LMO7: variants seen among roughly 807,000 people sequenced by gnomAD.
The protein encoded by LMO7 is LIM domain 7.
Under a neutral mutation model 206.5 loss-of-function variants are expected in LMO7, and 120 were observed. That is an observed-to-expected ratio of 0.58 (90% CI 0.50 to 0.68). The LOEUF (loss-of-function observed/expected upper bound fraction) is 0.68, where lower values mean the gene tolerates loss of function less well. Among genes scored for constraint, LMO7 ranks in the 30% least tolerant of loss-of-function variants. LMO7 has a pLI of 0.00. For synonymous variants in LMO7, 706 were observed against 681.5 expected, an observed-to-expected ratio of 1.04 and a Z score of -0.56; for missense variants, 1,959 against 1,957.9, an observed-to-expected ratio of 1.00 and a Z score of -0.01.
At chr13:75,623,489 G>A (rs2033608571) in intron 2 of LMO7, among the ~76,000 whole-genome samples, 1 of 151,664 alleles carries the variant, frequency 6.6e-6, no homozygotes, top group African/African-American at 2.4e-5. Context: ...TCAGCCTCCC[G>A]AGTAGCTGGG....
At position 75,812,471 on chromosome 13, in the gene LMO7, C is replaced by T. The variant is rs148920152; in HGVS notation, c.1946+3288C>T. Reference sequence around the variant, plus strand: ...CTAGTATCATGGAATTTCTGTTTGCCGTATAAGGCTATCCATGATTTTATA... The same window carrying T: ...CTAGTATCATGGAATTTCTGTTTGCTGTATAAGGCTATCCATGATTTTATA... On this transcript the variant is annotated intron_variant, in intron 11 of 30. Transcript: ENST00000377534. Among the ~76,000 whole-genome samples the T allele has an allele frequency of 7.3e-5, 11 of 151,106 alleles. No individual in the cohort carries two copies. The East Asian group carries it at 1.2e-3, about 16-fold the overall frequency.
intron 15 of LMO7, among the ~76,000 whole-genome samples, chr13:75,831,445 C>T (rs1236232070): frequency 6.6e-6 from 1 of 152,116 alleles, no homozygotes; most frequent in African/African-American, 2.4e-5. Flanking sequence ...TAGTGCCTTC[C>T]TTCAAATTCT....
chr13:75,856,669 C>A, intron 30 of LMO7, 61 bp downstream of exon 30: 1 of 969,170 alleles, frequency 1.0e-6, no homozygotes, highest in Non-Finnish European at 1.7e-6. Flanking sequence ...GGTTCCCATG[C>A]ATTTCCCTGA....
At chr13:75,749,567 ACGCTCAGCCCTCCCTC>A (rs1211081594) in intron 3 of LMO7, among the ~76,000 whole-genome samples, 1 of 152,144 alleles carries the variant, frequency 6.6e-6, no homozygotes, top group Non-Finnish European at 1.5e-5. Context: ...CTTTACCAGA[ACGCTCAGCCCTCCCTC>A]CCTGACCTGC....
At chr13:75,787,620 A>T (rs919517292) in intron 4 of LMO7, among the ~76,000 whole-genome samples, 2 of 152,206 alleles carry the variant, frequency 1.3e-5, no homozygotes, top group Non-Finnish European at 2.9e-5. Flanking sequence ...CGTCAGGTTC[A>T]TATATTTGGG....
At chr13:75,812,415 A>G (rs2056502433) in intron 11 of LMO7, among the ~76,000 whole-genome samples, 1 of 152,212 alleles carries the variant, frequency 6.6e-6, no homozygotes, top group Non-Finnish European at 1.5e-5. Flanking sequence ...GTATGTTCCT[A>G]TCTCCCTCTG....
chr13:75,842,014 CT>C, intron 24 of LMO7, 31 bp downstream of exon 24: 1 of 1,531,702 alleles, frequency 6.5e-7, no homozygotes, highest in Non-Finnish European at 8.9e-7. Context: ...GGTACAAAGG[CT>C]TAGCTGTATC....
At chr13:75,687,117 A>G (rs1185666304) in intron 1 of LMO7, among the ~76,000 whole-genome samples, 1 of 152,114 alleles carries the variant, frequency 6.6e-6, no homozygotes, top group East Asian at 1.9e-4. Flanking sequence ...TACACTATGG[A>G]TTCTCCCTGC....
intron 1 of LMO7, among the ~76,000 whole-genome samples, chr13:75,695,817 C>T (rs1286888624): frequency 3.3e-5 from 5 of 152,184 alleles, no homozygotes. Context: ...TTTAATAAAG[C>T]TGACAGACTA....
chr13:75,849,868 T>C (rs1486228484), intron 27 of LMO7, among the ~76,000 whole-genome samples: 1 of 152,212 alleles, frequency 6.6e-6, no homozygotes, highest in Non-Finnish European at 1.5e-5. Flanking sequence ...TATTTTCTTA[T>C]CTGACAGACT....
intron 1 of LMO7, among the ~76,000 whole-genome samples, chr13:75,638,115 G>T (rs1416093599): frequency 2.6e-5 from 4 of 152,144 alleles, no homozygotes; most frequent in Non-Finnish European, 5.9e-5. Flanking sequence ...AAACAAACTT[G>T]CCATTTTGTG....
At chr13:75,675,047 G>A (rs920030582) in intron 1 of LMO7, among the ~76,000 whole-genome samples, 1 of 151,858 alleles carries the variant, frequency 6.6e-6, no homozygotes, top group Non-Finnish European at 1.5e-5. Context: ...TATAACAGAA[G>A]AATGTCACAA....
chr13:75,741,704 TA>T (rs1247391126), intron 3 of LMO7, among the ~76,000 whole-genome samples: 3 of 152,182 alleles, frequency 2.0e-5, no homozygotes, highest in Non-Finnish European at 4.4e-5. Context: ...AAACTCTCAA[TA>T]AACTAGGTAG....
At chr13:75,720,821 G>A (rs1277601035) in intron 2 of LMO7, among the ~76,000 whole-genome samples, 1 of 152,082 alleles carries the variant, frequency 6.6e-6, no homozygotes, top group Non-Finnish European at 1.5e-5. Flanking sequence ...AGGTAATTCA[G>A]CAGTATTCAA....
chr13:75,764,630 A>C (rs2048621167), intron 4 of LMO7, among the ~76,000 whole-genome samples: 2 of 152,162 alleles, frequency 1.3e-5, no homozygotes, highest in African/African-American at 4.8e-5. Context: ...AACTTGGGCA[A>C]TTTGACTCAG....
chr13:75,817,372 C>A, intron 12 of LMO7, 94 bp downstream of exon 12: 1 of 753,868 alleles, frequency 1.3e-6, no homozygotes, highest in Non-Finnish European at 2.2e-6. Context: ...ATTTTCCTTG[C>A]TATTACAGAA....
intron 3 of LMO7, 84 bp from the exon 4 acceptor site, chr13:75,760,848 G>T: frequency 6.3e-7 from 1 of 1,575,060 alleles, no homozygotes; most frequent in Non-Finnish European, 8.6e-7. Flanking sequence ...GGACTTTGAA[G>T]CTTCGAAGTT....
At chr13:75,689,473 G>C (rs927416825) in intron 1 of LMO7, among the ~76,000 whole-genome samples, 1 of 152,168 alleles carries the variant, frequency 6.6e-6, no homozygotes, top group African/African-American at 2.4e-5. Flanking sequence ...CAACTTGATG[G>C]ATTGAAGGAT....
At chr13:75,766,642 A>T (rs962652698) in intron 4 of LMO7, among the ~76,000 whole-genome samples, 2 of 151,886 alleles carry the variant, frequency 1.3e-5, no homozygotes, top group African/African-American at 4.8e-5. Context: ...AGAGATGTGC[A>T]GTCATTTCAT....
Sources: gnomAD v4.1 joint callset for allele counts (sites outside exome capture counted in the v4.1 genomes callset) on GRCh38, gnomAD v4.1.1 for gene constraint, MANE v1.5 for transcripts, NCBI Gene and HGNC (gene_info 2026-07-23, HGNC 2026-07-21) for gene names.